BCL11A: variants seen among roughly 807,000 people sequenced by gnomAD.
BCL11A encodes the protein B cell CLL/lymphoma 11A.
In BCL11A, 2 loss-of-function variants were observed where a neutral mutation model predicts 55.9. The ratio of observed to expected loss-of-function variants is 0.04; its 90% confidence interval spans 0.01 to 0.11. BCL11A has a LOEUF of 0.11. BCL11A is among the 10% of genes least tolerant of loss of function. BCL11A has a pLI of 1.00. For synonymous variants in BCL11A, 465 were observed against 473.4 expected, an observed-to-expected ratio of 0.98 and a Z score of 0.23; for missense variants, 817 against 1,137.1, an observed-to-expected ratio of 0.72 and a Z score of 4.05.
downstream of BCL11A, chr2:60,452,462 C>T (rs773515448): frequency 4.8e-5 from 42 of 871,472 alleles, no homozygotes; most frequent in East Asian, 4.6e-4. Context: ...CTTCGCACAA[C>T]GGCTTCTTGG....
At chr2:60,486,863 C>T (rs1202854477) in intron 2 of BCL11A, among the ~76,000 whole-genome samples, 1 of 152,240 alleles carries the variant, frequency 6.6e-6, no homozygotes, top group African/African-American at 2.4e-5. Flanking sequence ...GTCTCTCAAA[C>T]CTGGCCATGG....
chr2:60,466,242 C>A (rs1276397571), intron 3 of BCL11A, among the ~76,000 whole-genome samples: 1 of 151,878 alleles, frequency 6.6e-6, no homozygotes, highest in Non-Finnish European at 1.5e-5. Context: ...GGCTGAAGAC[C>A]GAGAACTATG....
intron 2 of BCL11A, among the ~76,000 whole-genome samples, chr2:60,540,964 G>A (rs1046091499): frequency 4.0e-5 from 6 of 151,268 alleles, no homozygotes; most frequent in Admixed American, 3.3e-4. Flanking sequence ...GTGTGTGTGT[G>A]TGTGTGTGTG....
intron 2 of BCL11A, 93 bp from the exon 3 acceptor site, chr2:60,468,926 T>C: frequency 1.3e-6 from 1 of 762,070 alleles, no homozygotes; most frequent in Non-Finnish European, 2.2e-6. Context: ...TAAAATAGAT[T>C]ACAACATCAT....
intron 2 of BCL11A, among the ~76,000 whole-genome samples, chr2:60,497,529 A>C (rs1679022052): frequency 6.6e-6 from 1 of 152,154 alleles, no homozygotes; most frequent in South Asian, 2.1e-4. Flanking sequence ...ATGGCCCCTA[A>C]CATCAGGAAT....
At chr2:60,472,610 ATTTGG>A (rs1677271073) in intron 2 of BCL11A, among the ~76,000 whole-genome samples, 1 of 152,240 alleles carries the variant, frequency 6.6e-6, no homozygotes, top group Non-Finnish European at 1.5e-5. Context: ...AATGTTATAC[ATTTGG>A]TCACTTTACA....
intron 2 of BCL11A, chr2:60,526,313 A>G (rs973363613): frequency 4.6e-5 from 7 of 152,228 alleles, no homozygotes; most frequent in Admixed American, 3.3e-4. Flanking sequence ...AAGGATTTCA[A>G]CTTCAGATTG....
At chr2:60,462,916 C>T (rs1676396514) in intron 3 of BCL11A, among the ~76,000 whole-genome samples, 1 of 152,210 alleles carries the variant, frequency 6.6e-6, no homozygotes, top group Non-Finnish European at 1.5e-5. Flanking sequence ...AATAGGCAAA[C>T]ATTTCATAGA....
At position 60,553,027 on chromosome 2, in the gene BCL11A, C is replaced by G. The variant is rs1224742948; in HGVS notation, c.55+189G>C. On this transcript the variant is annotated intron_variant, in intron 1 of 3. Transcript: ENST00000642384. ...GCGTGCTGTCTCAAAAGTGCATACA[C>G]GGCAATGGTTCCAGATGGGATGAGG... 2.0e-5 allele frequency among the ~76,000 whole-genome samples: 3 copies of G among 151,786 alleles called. No homozygotes were observed. The East Asian group carries it at 5.8e-4, about 29-fold the overall frequency.
chr2:60,544,352 T>A (rs1291735891), intron 2 of BCL11A: 1 of 152,194 alleles, frequency 6.6e-6, no homozygotes, highest in Admixed American at 6.5e-5. Context: ...TTCCTTCCAG[T>A]CACAAGACAA....
At position 60,461,080 on chromosome 2, in the gene BCL11A, T is replaced by C. The variant is rs778130313; in HGVS notation, c.1832A>G (p.Glu611Gly). Residue 611 changes from glutamate to glycine, a missense_variant, in exon 4 of 4, where the codon GAG becomes GGG. Coordinates refer to ENST00000642384, the MANE Select transcript of BCL11A (RefSeq NM_022893.4). ...TVNGRGCSPG[E>G]SASGGLSKKL... Reference sequence around the variant, plus strand: ...TTTGGACAGGCCCCCCGAGGCCGACTCGCCCGGGGAGCAGCCGCGGCCATT... The same window carrying C: ...TTTGGACAGGCCCCCCGAGGCCGACCCGCCCGGGGAGCAGCCGCGGCCATT... The C allele has an allele frequency of 6.2e-7, 1 of 1,602,038 alleles. No individual in the cohort carries two copies. The highest frequency in any genetic ancestry group is 2.2e-5 in the East Asian group (1 of 44,672).
exon 5 of BCL11A, chr2:60,451,977 A>G (rs1367946008): frequency 4.4e-6 from 1 of 228,320 alleles, no homozygotes; most frequent in East Asian, 6.3e-5. Context: ...TCTCCTTGAA[A>G]ATTTATGCCA....
chr2:60,511,163 C>T (rs1679965190), intron 2 of BCL11A, among the ~76,000 whole-genome samples: 1 of 152,224 alleles, frequency 6.6e-6, no homozygotes, highest in African/African-American at 2.4e-5. Flanking sequence ...ACTCTCCCTC[C>T]ATTCTTGCTT....
At chr2:60,472,584 G>A (rs895231079) in intron 2 of BCL11A, among the ~76,000 whole-genome samples, 1 of 152,084 alleles carries the variant, frequency 6.6e-6, no homozygotes, top group Non-Finnish European at 1.5e-5. Flanking sequence ...CAGCAAACTG[G>A]GAATGGCTTT....
intron 2 of BCL11A, chr2:60,542,575 A>G (rs1669971405): frequency 6.6e-6 from 1 of 152,270 alleles, no homozygotes; most frequent in Admixed American, 6.5e-5. Context: ...TACTACTTCA[A>G]TGATCTCAAT....
intron 2 of BCL11A, among the ~76,000 whole-genome samples, chr2:60,502,462 A>G (rs1475481259): frequency 6.6e-6 from 1 of 152,258 alleles, no homozygotes; most frequent in East Asian, 1.9e-4. Flanking sequence ...GTTTCTCGCT[A>G]GCACAGATTT....
intron 2 of BCL11A, chr2:60,544,391 G>C (rs1043443328): frequency 1.3e-5 from 2 of 152,110 alleles, no homozygotes. Flanking sequence ...CCCACATCCT[G>C]CTGGGGGGTA....
At chr2:60,551,842 C>A (rs973662281) in intron 1 of BCL11A, among the ~76,000 whole-genome samples, 4 of 150,400 alleles carry the variant, frequency 2.7e-5, no homozygotes, top group African/African-American at 9.7e-5. Context: ...AAGGCCCGGG[C>A]GAGGCCAGGC....
At chr2:60,527,131 A>AAG (rs1669240717) in intron 2 of BCL11A, 1 of 152,190 alleles carries the variant, frequency 6.6e-6, no homozygotes, top group African/African-American at 2.4e-5. Context: ...GCCTCTTGGG[A>AAG]CATCAAATTT....
Sources: gnomAD v4.1 joint callset for allele counts (sites outside exome capture counted in the v4.1 genomes callset) on GRCh38, gnomAD v4.1.1 for gene constraint, MANE v1.5 for transcripts, NCBI Gene and HGNC (gene_info 2026-07-23, HGNC 2026-07-21) for gene names.